The following NEBL variants were observed in gnomAD, a reference collection of about 807,000 sequenced individuals.
The protein encoded by NEBL is LIM and SH3 protein 2.
NEBL carries 122 observed loss-of-function variants against 140.2 expected under a neutral mutation model. The ratio of observed to expected loss-of-function variants is 0.87; its 90% CI spans 0.75 to 1.01. NEBL has a LOEUF of 1.01. Ranked by LOEUF, NEBL falls within the 50% of genes least tolerant of loss-of-function variation. The probability of loss-of-function intolerance (pLI) is 0.00; values close to 1 mark genes in which losing one functional copy is unlikely to be tolerated. For missense variants in NEBL, 1,365 were observed against 1,231.3 expected (o/e 1.11, Z -1.62); for synonymous variants, 436 against 398.9 (o/e 1.09, Z -1.11).
In NEBL at chr10:20,803,812, A is replaced by AATAT. The variant is rs773980585; in HGVS notation, c.2761+4694_2761+4697dup. On this transcript the variant is annotated intron_variant, in intron 26 of 27. Coordinates refer to ENST00000377122, the MANE Select transcript of NEBL (RefSeq NM_006393.3). ...GAGACTTCTTTCCTTCTGTACGAAA[A>AATAT]ATATATATATATATATATATATATA... Among the ~76,000 whole-genome samples the AATAT allele has an allele frequency of 3.6e-3, 522 of 143,558 alleles. 11 individuals are homozygous for AATAT. Among genetic ancestry groups the AATAT allele is most frequent in the South Asian group, 5.7e-3 (26 of 4,570 alleles). 94.2% of individuals were successfully genotyped at this position (143,558 alleles called of 152,430 possible).
At chr10:21,112,236 C>T (rs891702240) in intron 2 of NEBL, among the ~76,000 whole-genome samples, 29 of 152,256 alleles carry the variant, frequency 1.9e-4, no homozygotes, top group South Asian at 8.3e-4. Flanking sequence ...GATCCCATTA[C>T]TGGGTATATA....
intron 4 of NEBL, among the ~76,000 whole-genome samples, chr10:20,945,274 A>T (rs1162371252): frequency 6.6e-6 from 1 of 152,062 alleles, no homozygotes; most frequent in Non-Finnish European, 1.5e-5. Context: ...ACCGTCACCA[A>T]ACCCCAGCTA....
intron 3 of NEBL, among the ~76,000 whole-genome samples, chr10:21,226,243 G>A (rs1208491733): frequency 6.6e-6 from 1 of 151,782 alleles, no homozygotes; most frequent in Non-Finnish European, 1.5e-5. Flanking sequence ...CTGTGGCTGA[G>A]CTGGTATCCA....
intron 1 of NEBL, among the ~76,000 whole-genome samples, chr10:21,271,796 G>T (rs925189730): frequency 8.6e-5 from 13 of 151,872 alleles, no homozygotes; most frequent in Non-Finnish European, 1.6e-4. Context: ...AAAGTGCTAG[G>T]ATTACAGGCG....
At chr10:21,175,768 T>C (rs760336303), upstream of NEBL, among the ~76,000 whole-genome samples, 33 of 152,136 alleles carry the variant, frequency 2.2e-4, no homozygotes, top group Non-Finnish European at 4.3e-4. Context: ...ATTTCAGAGC[T>C]CATTAGAAAT....
intron 2 of NEBL, among the ~76,000 whole-genome samples, chr10:21,104,757 A>T (rs1325244642): frequency 6.6e-6 from 1 of 152,176 alleles, no homozygotes; most frequent in Non-Finnish European, 1.5e-5. Flanking sequence ...AACTTCCAGT[A>T]CTATGTTAAA....
intron 3 of NEBL, among the ~76,000 whole-genome samples, chr10:21,203,871 C>T (rs1372389014): frequency 6.6e-6 from 1 of 152,176 alleles, no homozygotes; most frequent in Non-Finnish European, 1.5e-5. Flanking sequence ...CAGGCAGGTA[C>T]TATTGCCCAC....
intron 4 of NEBL, among the ~76,000 whole-genome samples, chr10:20,952,676 G>A (rs571423334): frequency 6.6e-6 from 1 of 151,602 alleles, no homozygotes; most frequent in South Asian, 2.1e-4. Context: ...AAGACGAGGT[G>A]GGCGGATCAC....
intron 4 of NEBL, among the ~76,000 whole-genome samples, chr10:20,914,957 C>G (rs1399128679): frequency 9.0e-6 from 1 of 110,720 alleles, no homozygotes; most frequent in Non-Finnish European, 1.9e-5. Context: ...CTCTGCCTCC[C>G]AAGTGGCTGG....
At chr10:21,196,731 C>T (rs1841658551) in intron 3 of NEBL, among the ~76,000 whole-genome samples, 1 of 152,168 alleles carries the variant, frequency 6.6e-6, no homozygotes, top group Admixed American at 6.5e-5. Context: ...AAGGACACTA[C>T]TCAGCTTGTA....
upstream of NEBL, among the ~76,000 whole-genome samples, chr10:20,898,341 T>C (rs906506913): frequency 5.3e-5 from 8 of 152,080 alleles, no homozygotes; most frequent in African/African-American, 1.9e-4. Context: ...TGAATAGTAA[T>C]ACTGATGATA....
At chr10:21,124,543 C>G (rs1056645477) in intron 2 of NEBL, among the ~76,000 whole-genome samples, 2 of 152,128 alleles carry the variant, frequency 1.3e-5, no homozygotes, top group Non-Finnish European at 2.9e-5. Flanking sequence ...TCACTTTTAA[C>G]AAGTTAAGCA....
chr10:20,911,577 A>G (rs1848333885), intron 4 of NEBL, among the ~76,000 whole-genome samples: 1 of 152,218 alleles, frequency 6.6e-6, no homozygotes, highest in African/African-American at 2.4e-5. Context: ...TCAAACAACT[A>G]CAAGGACATT....
chr10:21,181,871 G>A (rs1215224595), intron 3 of NEBL, among the ~76,000 whole-genome samples: 1 of 152,154 alleles, frequency 6.6e-6, no homozygotes, highest in Non-Finnish European at 1.5e-5. Flanking sequence ...AGAAAAACAT[G>A]TTGACTGGCC....
intron 3 of NEBL, among the ~76,000 whole-genome samples, chr10:21,188,237 G>C (rs60771061): frequency 6.6e-6 from 1 of 152,066 alleles, no homozygotes; most frequent in African/African-American, 2.4e-5. Context: ...TTCTGTGGAC[G>C]GGAGTAGCAA....
intron 4 of NEBL, among the ~76,000 whole-genome samples, chr10:20,946,192 CT>C (rs1835150536): frequency 6.6e-6 from 1 of 152,152 alleles, no homozygotes. Flanking sequence ...CCCTCATAGG[CT>C]GTATGAGCAA....
Position 21,012,988 on chromosome 10 carries a change from C to T in NEBL, c.249+7129G>A, listed in dbSNP as rs537377736. Among the ~76,000 whole-genome samples the T allele has an allele frequency of 6.6e-5, 10 of 152,188 alleles. No homozygotes were observed. In the South Asian group the frequency reaches 1.9e-3, roughly 28 times the overall value. ...TGTGATTAAAGGGTCGAAAACCTAG[C>T]AGTGCACAAAAATCAAAACATCTTG... On this transcript the variant is annotated intron_variant, in intron 3 of 6. Transcript: ENST00000417816.
chr10:20,828,346 A>G (rs999550828), intron 17 of NEBL, among the ~76,000 whole-genome samples, 184 bp downstream of exon 17: 4 of 152,174 alleles, frequency 2.6e-5, no homozygotes, highest in African/African-American at 9.6e-5. Context: ...TTCCAAAAAA[A>G]TAATGAAAAA....
At chr10:20,932,643 C>T (rs1834251696) in intron 4 of NEBL, among the ~76,000 whole-genome samples, 1 of 152,194 alleles carries the variant, frequency 6.6e-6, no homozygotes, top group African/African-American at 2.4e-5. Context: ...AACTGCTACA[C>T]ATTCTAAAAT....
Sources: allele counts gnomAD v4.1 joint callset (sites outside exome capture counted in the v4.1 genomes callset), GRCh38; gene constraint gnomAD v4.1.1; transcripts MANE v1.5; gene names NCBI Gene and HGNC (gene_info 2026-07-23, HGNC 2026-07-21).